Variants in GRIK2 observed in about 807,000 individuals in gnomAD.
GRIK2 encodes glutamate receptor ionotropic, kainate 2.
Under a neutral mutation model 100.3 loss-of-function variants are expected in GRIK2, and 32 were observed. The ratio of observed to expected loss-of-function variants is 0.32; its 90% confidence interval spans 0.24 to 0.43. The LOEUF is 0.43. Ranked by LOEUF, GRIK2 falls within the 20% of genes least tolerant of loss-of-function variation. The pLI is 1.00. For missense variants in GRIK2, 843 were observed against 1,114.9 expected, an observed-to-expected ratio of 0.76 and a Z score of 3.47; for synonymous variants, 417 against 389.4, an observed-to-expected ratio of 1.07 and a Z score of -0.83.
intron 2 of GRIK2, among the ~76,000 whole-genome samples, chr6:101,549,890 T>C (rs1375829725): frequency 1.3e-5 from 2 of 152,136 alleles, no homozygotes; most frequent in African/African-American, 2.4e-5. Flanking sequence ...TAAGAAGATA[T>C]GGAGTTGTCA....
chr6:101,481,774 G>C (rs1373171622), intron 2 of GRIK2, among the ~76,000 whole-genome samples: 1 of 152,134 alleles, frequency 6.6e-6, no homozygotes, highest in African/African-American at 2.4e-5. Flanking sequence ...GTCCTCACCT[G>C]AAATCTCTTC....
chr6:101,475,392 A>C (rs1333220179), intron 2 of GRIK2, among the ~76,000 whole-genome samples: 1 of 152,042 alleles, frequency 6.6e-6, no homozygotes, highest in Non-Finnish European at 1.5e-5. Context: ...AACATTGTAC[A>C]TGAAATGTAT....
chr6:101,457,193 T>A (rs1016873414), intron 2 of GRIK2, among the ~76,000 whole-genome samples: 7 of 152,130 alleles, frequency 4.6e-5, no homozygotes, highest in Admixed American at 3.3e-4. Context: ...ACAAATTCAG[T>A]GTGTCTGTTT....
intron 2 of GRIK2, among the ~76,000 whole-genome samples, chr6:101,586,097 C>T (rs1025725417): frequency 1.3e-5 from 2 of 151,890 alleles, no homozygotes; most frequent in Non-Finnish European, 2.9e-5. Flanking sequence ...AGTCCTGAAG[C>T]TGGGCGCCTA....
At chr6:101,934,583 A>T (rs1018145971) in intron 14 of GRIK2, among the ~76,000 whole-genome samples, 1 of 151,864 alleles carries the variant, frequency 6.6e-6, no homozygotes, top group Admixed American at 6.6e-5. Flanking sequence ...TAACTTTTCC[A>T]TTGAGAGATA....
rs952899161 is a variant in GRIK2, at chr6:101,628,135, G to A, written c.541+1498G>A. On this transcript the variant is annotated intron_variant, in intron 4 of 16. Coordinates refer to ENST00000369134, the MANE Select transcript of GRIK2 (RefSeq NM_021956.5). ...ATTTAAATTCTCTCAAAGTATGCCA[G>A]GAGCACATTTTGTTCATGCATGCAG... 9.2e-5 allele frequency among the ~76,000 whole-genome samples: 14 copies of A among 151,926 alleles called. 1 individual carries two copies. The highest frequency in any genetic ancestry group is 3.1e-4 in the African/African-American group (13 of 41,372).
At chr6:101,594,101 A>G (rs192359779) in intron 2 of GRIK2, among the ~76,000 whole-genome samples, 2 of 152,024 alleles carry the variant, frequency 1.3e-5, no homozygotes, top group African/African-American at 4.8e-5. Context: ...TAATTAAATG[A>G]GTTATTACTT....
chr6:101,783,269 T>A (rs2128402933), intron 7 of GRIK2, among the ~76,000 whole-genome samples: 1 of 151,962 alleles, frequency 6.6e-6, no homozygotes, highest in Middle Eastern at 3.4e-3. Flanking sequence ...AGTGAGGGAG[T>A]TCTCATGAGA....
Position 102,035,367 on chromosome 6 carries a change from A to C in GRIK2, c.2112A>C (p.Lys704Asn). ...FKKSKISTYD[K>N]MWAFMSSRRQ... ...AATCAAAAATCTCCACGTATGACAA[A>C]ATGTGGGCCTTTATGAGTAGCAGAA... Residue 704 changes from lysine (K) to asparagine (N), a missense_variant, in exon 15 of 17, where the codon AAA becomes AAC. This residue lies in a region of GRIK2 where 237 missense variants were observed against 388.0 expected (regional missense o/e 0.61). Transcript: ENST00000369134. The C allele has an allele frequency of 6.2e-7, 1 of 1,603,432 alleles. No individual in the cohort carries two copies. The highest frequency in any genetic ancestry group is 8.5e-7 in the Non-Finnish European group (1 of 1,172,300).
intron 2 of GRIK2, among the ~76,000 whole-genome samples, chr6:101,560,142 C>A (rs576245691): frequency 6.6e-6 from 1 of 152,150 alleles, no homozygotes; most frequent in Non-Finnish European, 1.5e-5. Flanking sequence ...TCCAGTATTG[C>A]CAACAATAAA....
intron 11 of GRIK2, among the ~76,000 whole-genome samples, chr6:101,859,962 T>G (rs775316688): frequency 5.3e-5 from 8 of 152,198 alleles, no homozygotes; most frequent in Non-Finnish European, 1.2e-4. Flanking sequence ...GGCCTTTTTT[T>G]AGAATTTAGT....
intron 16 of GRIK2, among the ~76,000 whole-genome samples, chr6:102,061,270 G>T (rs1159536515): frequency 6.7e-6 from 1 of 150,196 alleles, no homozygotes; most frequent in Non-Finnish European, 1.5e-5. Flanking sequence ...TTTTATAAAT[G>T]ACTTTAGTTT....
chr6:102,027,942 C>T (rs1176265003), intron 14 of GRIK2, among the ~76,000 whole-genome samples: 1 of 150,988 alleles, frequency 6.6e-6, no homozygotes, highest in Non-Finnish European at 1.5e-5. Context: ...ACCTTATTAG[C>T]TTTTCATAAT....
intron 7 of GRIK2, among the ~76,000 whole-genome samples, chr6:101,760,780 A>G (rs1777601628): frequency 7.3e-6 from 1 of 137,432 alleles, no homozygotes; most frequent in South Asian, 2.2e-4. Flanking sequence ...AGGTTAACAC[A>G]AACTATGCCT....
At chr6:101,708,275 C>T (rs930843952) in intron 7 of GRIK2, among the ~76,000 whole-genome samples, 2 of 151,698 alleles carry the variant, frequency 1.3e-5, no homozygotes, top group African/African-American at 4.8e-5. Flanking sequence ...ATAAAAACTT[C>T]TCTGAAGAAT....
At chr6:101,403,691 G>A (rs1426032341) in intron 2 of GRIK2, among the ~76,000 whole-genome samples, 1 of 152,044 alleles carries the variant, frequency 6.6e-6, no homozygotes, top group Non-Finnish European at 1.5e-5. Context: ...CAAATTCTTT[G>A]AAAGAGATTT....
chr6:101,766,327 A>T (rs1778043872), intron 7 of GRIK2, among the ~76,000 whole-genome samples: 3 of 152,236 alleles, frequency 2.0e-5, no homozygotes, highest in Non-Finnish European at 2.9e-5. Flanking sequence ...GTTTCTAATC[A>T]TGACCTCAAT....
At chr6:101,744,226 G>A (rs1295073130) in intron 7 of GRIK2, among the ~76,000 whole-genome samples, 1 of 151,892 alleles carries the variant, frequency 6.6e-6, no homozygotes, top group South Asian at 2.1e-4. Flanking sequence ...ACAGACATGA[G>A]CCGTCGTGCC....
intron 2 of GRIK2, among the ~76,000 whole-genome samples, chr6:101,409,706 C>T (rs1338060608): frequency 6.6e-6 from 1 of 151,972 alleles, no homozygotes; most frequent in Non-Finnish European, 1.5e-5. Flanking sequence ...TTATTTGCTA[C>T]CTGTTTAACT....
Sources: gnomAD v4.1 joint callset for allele counts (sites outside exome capture counted in the v4.1 genomes callset) on GRCh38, gnomAD v4.1.1 for gene constraint, gnomAD v4.1.1 regional missense constraint, MANE v1.5 for transcripts, NCBI Gene and HGNC (gene_info 2026-07-23, HGNC 2026-07-21) for gene names.